Variants in EBF1 observed in about 807,000 individuals in gnomAD.
EBF1 encodes the protein transcription factor COE1.
A neutral mutation model predicts 68.4 loss-of-function variants in EBF1; 10 were observed. The observed-to-expected ratio is 0.15, with a 90% CI of 0.09 to 0.25. EBF1 has a LOEUF of 0.25. Among genes scored for constraint, EBF1 ranks in the 10% least tolerant of loss-of-function variants. The pLI, the probability that EBF1 is intolerant of heterozygous loss-of-function variation, is 1.00. For missense variants in EBF1, 509 were observed against 794.4 expected (o/e 0.64, Z 4.32); for synonymous variants, 298 against 299.8 (o/e 0.99, Z 0.06).
intron 10 of EBF1, among the ~76,000 whole-genome samples, chr5:158,752,945 C>T (rs1769247185): frequency 6.6e-6 from 1 of 151,986 alleles, no homozygotes; most frequent in South Asian, 2.1e-4. Context: ...CTACAAATTG[C>T]ACACAATTTG....
intron 6 of EBF1, among the ~76,000 whole-genome samples, chr5:158,989,907 C>T (rs1470750614): frequency 1.3e-5 from 2 of 152,052 alleles, no homozygotes; most frequent in African/African-American, 4.8e-5. Context: ...ATGGTACGGC[C>T]CTTCAGGAAC....
intron 6 of EBF1, among the ~76,000 whole-genome samples, chr5:158,934,284 C>A (rs80314413): frequency 0.019 from 2,821 of 152,292 alleles, 107 homozygotes; most frequent in African/African-American, 0.064. Flanking sequence ...CTCTGCAATG[C>A]CAGTGTAGTA....
At chr5:159,069,995 T>G (rs183023257) in intron 6 of EBF1, among the ~76,000 whole-genome samples, 4 of 152,310 alleles carry the variant, frequency 2.6e-5, no homozygotes, top group African/African-American at 9.6e-5. Context: ...ATATGTAAAA[T>G]CAATCTCCAC....
At chr5:158,853,008 C>T (rs760213816) in intron 6 of EBF1, among the ~76,000 whole-genome samples, 6 of 152,140 alleles carry the variant, frequency 3.9e-5, no homozygotes, top group Non-Finnish European at 1.5e-5. Context: ...TATTCTTAAC[C>T]TGCAGTCAGT....
intron 10 of EBF1, among the ~76,000 whole-genome samples, chr5:158,754,043 A>C (rs1769506431): frequency 6.6e-6 from 1 of 152,076 alleles, no homozygotes; most frequent in Admixed American, 6.6e-5. Flanking sequence ...TTAGAACATG[A>C]GGCTGGCTTA....
chr5:158,920,112 TTAGA>T (rs2127399319), intron 6 of EBF1, among the ~76,000 whole-genome samples: 1 of 152,282 alleles, frequency 6.6e-6, no homozygotes, highest in East Asian at 1.9e-4. Context: ...TCATCAATAT[TTAGA>T]AAGATGTATT....
intron 6 of EBF1, among the ~76,000 whole-genome samples, chr5:158,950,687 G>C (rs138967195): frequency 6.6e-6 from 1 of 152,308 alleles, no homozygotes; most frequent in Non-Finnish European, 1.5e-5. Flanking sequence ...AAAGGAAAAG[G>C]CTATAAATGA....
At chr5:158,951,616 G>C (rs1561607335) in intron 6 of EBF1, among the ~76,000 whole-genome samples, 1 of 152,104 alleles carries the variant, frequency 6.6e-6, no homozygotes, top group Admixed American at 6.6e-5. Flanking sequence ...GACTAAGTAG[G>C]CCCTAGTGCA....
chr5:158,910,149 T>G (rs1805632567), intron 6 of EBF1, among the ~76,000 whole-genome samples: 1 of 152,128 alleles, frequency 6.6e-6, no homozygotes, highest in African/African-American at 2.4e-5. Flanking sequence ...TGTTACTGAC[T>G]CCAATGCTAG....
At chr5:158,815,816 G>A (rs566015859) in intron 8 of EBF1, among the ~76,000 whole-genome samples, 1 of 152,278 alleles carries the variant, frequency 6.6e-6, no homozygotes, top group South Asian at 2.1e-4. Context: ...TCACATCGTT[G>A]TGCATTATCT....
At chr5:158,741,601 A>AATGT (rs1766435236) in intron 10 of EBF1, among the ~76,000 whole-genome samples, 1 of 151,798 alleles carries the variant, frequency 6.6e-6, no homozygotes, top group Admixed American at 6.6e-5. Context: ...AAAGCAGTAT[A>AATGT]ATGTAATATT....
At chr5:158,971,206 G>C (rs1755581580) in intron 6 of EBF1, among the ~76,000 whole-genome samples, 1 of 152,202 alleles carries the variant, frequency 6.6e-6, no homozygotes, top group Admixed American at 6.5e-5. Flanking sequence ...ATTCTTGCAA[G>C]AAGAATGAGT....
In EBF1 at chr5:158,823,322, A is replaced by T. The variant is rs1785278510; in HGVS notation, c.637-5T>A. 6.2e-7 allele frequency: 1 copy of T among 1,601,220 alleles called. No homozygotes were observed. The highest frequency in any genetic ancestry group is 1.3e-5 in the African/African-American group (1 of 74,316). Reference sequence around the variant, plus strand: ...GACTGTCGTAGACACCACGACCTGGAGACATAAGAAAGAAATGAATGAACA... The same window carrying T: ...GACTGTCGTAGACACCACGACCTGGTGACATAAGAAAGAAATGAATGAACA... On this transcript the variant is annotated splice_polypyrimidine_tract_variant and splice_region_variant and intron_variant, in intron 7 of 15. Transcript: ENST00000313708.
chr5:158,941,241 A>C (rs1383780831), intron 6 of EBF1: 1 of 456,034 alleles, frequency 2.2e-6, no homozygotes, highest in South Asian at 1.5e-5. Flanking sequence ...TGATAATGTG[A>C]GGGGTTAGAC....
At chr5:158,906,304 G>GA (rs1238469759) in intron 6 of EBF1, among the ~76,000 whole-genome samples, 41,587 of 90,390 alleles carry the variant, frequency 0.46, 7,524 homozygotes, top group African/African-American at 0.48. Context: ...TGGCAATGCA[G>GA]AAAAAAAAAA....
intron 6 of EBF1, among the ~76,000 whole-genome samples, chr5:158,866,343 C>T (rs1405142813): frequency 6.6e-6 from 1 of 152,174 alleles, no homozygotes; most frequent in Admixed American, 6.6e-5. Context: ...AAAGTCAAGG[C>T]TGGCATCTCC....
intron 11 of EBF1, among the ~76,000 whole-genome samples, chr5:158,725,571 G>T (rs527265016): frequency 6.6e-6 from 1 of 152,354 alleles, no homozygotes; most frequent in African/African-American, 2.4e-5. Flanking sequence ...GACAGCAGAT[G>T]ACTTAAGCTA....
At chr5:158,918,225 A>G (rs1008325041) in intron 6 of EBF1, among the ~76,000 whole-genome samples, 1 of 152,188 alleles carries the variant, frequency 6.6e-6, no homozygotes, top group Admixed American at 6.5e-5. Context: ...GTCTTCTTGT[A>G]TTTTGCAACC....
At chr5:159,003,312 C>T (rs947919818) in intron 6 of EBF1, among the ~76,000 whole-genome samples, 1 of 152,208 alleles carries the variant, frequency 6.6e-6, no homozygotes, top group South Asian at 2.1e-4. Context: ...CAGTGTCTCA[C>T]TCTGGGCATT....
Sources: gnomAD v4.1 joint callset for allele counts (sites outside exome capture counted in the v4.1 genomes callset) on GRCh38, gnomAD v4.1.1 for gene constraint, MANE v1.5 for transcripts, NCBI Gene and HGNC (gene_info 2026-07-23, HGNC 2026-07-21) for gene names.